The following ZNF385D variants were observed in gnomAD, a reference collection of about 807,000 sequenced individuals.
ZNF385D encodes zinc finger protein 659.
A neutral mutation model predicts 35.8 loss-of-function variants in ZNF385D; 15 were observed. The ratio of observed to expected loss-of-function variants is 0.42; its 90% CI spans 0.28 to 0.64. The LOEUF is 0.64. ZNF385D is among the 30% of genes least tolerant of loss of function. The pLI, the probability that ZNF385D is intolerant of heterozygous loss-of-function variation, is 0.23. For missense variants in ZNF385D, 474 were observed against 494.6 expected, an observed-to-expected ratio of 0.96 and a Z score of 0.39; for synonymous variants, 212 against 186.8, an observed-to-expected ratio of 1.13 and a Z score of -1.10.
chr3:22,350,491 C>G (rs1157882351), intron 2 of ZNF385D, among the ~76,000 whole-genome samples: 2 of 152,034 alleles, frequency 1.3e-5, no homozygotes, highest in African/African-American at 4.8e-5. Context: ...TAGCACCAGT[C>G]CATGATAAAT....
intron 2 of ZNF385D, among the ~76,000 whole-genome samples, chr3:22,338,359 A>G (rs191569741): frequency 7.2e-5 from 11 of 152,338 alleles, no homozygotes; most frequent in Admixed American, 2.6e-4. Flanking sequence ...AAAGAAACAC[A>G]TAAGAGAGAG....
intron 3 of ZNF385D, among the ~76,000 whole-genome samples, chr3:22,025,130 G>A (rs939690272): frequency 2.6e-5 from 4 of 152,116 alleles, no homozygotes; most frequent in African/African-American, 9.7e-5. Context: ...TGTAAATTCT[G>A]ATGAACACTT....
rs1027330686 is a variant in ZNF385D at position 21,768,498 on chromosome 3, G to A, written c.326-103470C>T. On this transcript the variant is annotated intron_variant, in intron 3 of 5. Coordinates refer to the ZNF385D transcript ENST00000494108. ...GAAGGCTTCAAACTTCCAGGAGAAT[G>A]CTTGGACAGTAAAGTGGAGGGAATT... 3.3e-5 allele frequency among the ~76,000 whole-genome samples: 5 copies of A among 151,894 alleles called. No homozygotes were observed. The East Asian group carries it at 9.7e-4, about 29-fold the overall frequency.
intron 3 of ZNF385D, chr3:21,562,148 T>C (rs544279770): frequency 2.0e-5 from 3 of 152,268 alleles, no homozygotes; most frequent in South Asian, 2.1e-4. Flanking sequence ...TAAATACATA[T>C]TGATGCCCAT....
intron 3 of ZNF385D, among the ~76,000 whole-genome samples, chr3:22,081,037 A>G (rs1700726486): frequency 6.6e-6 from 1 of 152,206 alleles, no homozygotes; most frequent in Non-Finnish European, 1.5e-5. Context: ...ACACATGCAC[A>G]CACATAAATT....
rs142035519 is a variant in ZNF385D at position 22,326,304 on chromosome 3, G to A, written c.106+46146C>T. ...GGGAAGATTTGAATCTGAGAGGTAA[G>A]GGAGAAAATTCCTTCCCCAAGCCTG... On this transcript the variant is annotated intron_variant, in intron 2 of 5. Transcript: ENST00000494108. Among the ~76,000 whole-genome samples the A allele has an allele frequency of 3.3e-5, 5 of 152,302 alleles. No homozygotes were observed. In the East Asian group the frequency reaches 9.6e-4, roughly 29 times the overall value.
intron 2 of ZNF385D, among the ~76,000 whole-genome samples, chr3:22,201,550 T>C (rs1046906473): frequency 1.3e-5 from 2 of 152,066 alleles, no homozygotes; most frequent in Admixed American, 6.6e-5. Context: ...TTAGGTTTTC[T>C]AATATTATTG....
At chr3:21,753,783 T>A (rs987432889), upstream of ZNF385D, among the ~76,000 whole-genome samples, 1 of 108,532 alleles carries the variant, frequency 9.2e-6, no homozygotes, top group Non-Finnish European at 1.9e-5. Flanking sequence ...GTTGTTGTTG[T>A]TGTTGTTGTG....
chr3:21,629,435 A>T (rs1404586730), intron 2 of ZNF385D, among the ~76,000 whole-genome samples: 1 of 152,176 alleles, frequency 6.6e-6, no homozygotes, highest in East Asian at 1.9e-4. Flanking sequence ...AAGCATAAGA[A>T]AAAATGAACA....
intron 3 of ZNF385D, among the ~76,000 whole-genome samples, chr3:21,811,742 T>C (rs2072929756): frequency 6.6e-6 from 1 of 152,174 alleles, no homozygotes; most frequent in African/African-American, 2.4e-5. Context: ...AAAGAATTAA[T>C]TCAGAAAGTA....
chr3:22,196,618 T>C (rs1209737327), intron 2 of ZNF385D, among the ~76,000 whole-genome samples: 1 of 152,144 alleles, frequency 6.6e-6, no homozygotes, highest in East Asian at 1.9e-4. Context: ...CTTATTAGAG[T>C]CCATTGCAGA....
At chr3:22,093,306 G>A (rs746073141) in intron 3 of ZNF385D, among the ~76,000 whole-genome samples, 20 of 151,530 alleles carry the variant, frequency 1.3e-4, no homozygotes, top group African/African-American at 2.7e-4. Flanking sequence ...TAATATATGC[G>A]CATTGACCTA....
chr3:21,731,994 T>A (rs2069020008), intron 1 of ZNF385D, among the ~76,000 whole-genome samples: 1 of 145,440 alleles, frequency 6.9e-6, no homozygotes. Flanking sequence ...CACTTATGAA[T>A]AAAGCTTCTA....
intron 2 of ZNF385D, among the ~76,000 whole-genome samples, chr3:22,184,617 G>T (rs1695504359): frequency 6.6e-6 from 1 of 152,116 alleles, no homozygotes; most frequent in South Asian, 2.1e-4. Context: ...CCTGAGGTCA[G>T]GAATTCGAGA....
chr3:22,199,276 T>A (rs1328682918), intron 2 of ZNF385D, among the ~76,000 whole-genome samples: 1 of 152,114 alleles, frequency 6.6e-6, no homozygotes, highest in African/African-American at 2.4e-5. Context: ...ACATTTTACA[T>A]CTCAGATCAG....
At chr3:22,077,663 T>C (rs1396062028) in intron 3 of ZNF385D, among the ~76,000 whole-genome samples, 1 of 151,986 alleles carries the variant, frequency 6.6e-6, no homozygotes, top group East Asian at 1.9e-4. Flanking sequence ...TTGTTTTGGT[T>C]CACATGTAAT....
At chr3:21,966,191 T>G (rs2133013) in intron 3 of ZNF385D, among the ~76,000 whole-genome samples, 63,172 of 152,002 alleles carry the variant, frequency 0.42, 13,692 homozygotes, top group Middle Eastern at 0.47. Flanking sequence ...AACCAATAAT[T>G]TATAGTATAG....
At chr3:21,759,937 A>T (rs1400294844) in intron 3 of ZNF385D, among the ~76,000 whole-genome samples, 1 of 152,194 alleles carries the variant, frequency 6.6e-6, no homozygotes, top group Non-Finnish European at 1.5e-5. Flanking sequence ...TGTTGCAAGA[A>T]TTCACAAAGT....
intron 2 of ZNF385D, among the ~76,000 whole-genome samples, chr3:22,321,923 TCCTA>T (rs1370019546): frequency 6.6e-6 from 1 of 152,110 alleles, no homozygotes; most frequent in African/African-American, 2.4e-5. Context: ...TAATTATTTC[TCCTA>T]CCTATTTATA....
Sources: allele counts gnomAD v4.1 joint callset (sites outside exome capture counted in the v4.1 genomes callset), GRCh38; gene constraint gnomAD v4.1.1; transcripts MANE v1.5; gene names NCBI Gene and HGNC (gene_info 2026-07-23, HGNC 2026-07-21).